Variants in ACOT11 observed in about 807,000 individuals in gnomAD.
ACOT11 encodes the protein acyl-CoA thioesterase 11.
A neutral mutation model predicts 77.5 loss-of-function variants in ACOT11; 69 were observed. That is an observed-to-expected ratio of 0.89 (90% confidence interval 0.73 to 1.09). The LOEUF (loss-of-function observed/expected upper bound fraction) is 1.09. Ranked by LOEUF, ACOT11 falls within the 50% of genes least tolerant of loss-of-function variation. The pLI is 0.00. For missense variants in ACOT11, 766 were observed against 813.7 expected, an observed-to-expected ratio of 0.94 and a Z score of 0.71; for synonymous variants, 279 against 313.0, an observed-to-expected ratio of 0.89 and a Z score of 1.15.
intron 1 of ACOT11, among the ~76,000 whole-genome samples, chr1:54,560,744 CAG>C (rs1426880187): frequency 1.3e-5 from 2 of 150,572 alleles, no homozygotes; most frequent in African/African-American, 4.9e-5. Context: ...TTTTTTGAGA[CAG>C]AGTTTTGCTC....
intron 16 of ACOT11, among the ~76,000 whole-genome samples, chr1:54,632,227 C>T (rs998782567): frequency 2.0e-5 from 3 of 152,312 alleles, no homozygotes; most frequent in Non-Finnish European, 2.9e-5. Flanking sequence ...GGGCCCGTCC[C>T]GGGCCCCGCT....
At chr1:54,613,026 C>T (rs560463147), downstream of ACOT11, among the ~76,000 whole-genome samples, 198 of 151,816 alleles carry the variant, frequency 1.3e-3, no homozygotes, top group African/African-American at 4.6e-3. Flanking sequence ...GAGCCCCCAG[C>T]GTGTGGGAAT....
chr1:54,624,623 G>T (rs1384560994), intron 15 of ACOT11, among the ~76,000 whole-genome samples: 2 of 152,164 alleles, frequency 1.3e-5, no homozygotes, highest in Non-Finnish European at 2.9e-5. Context: ...GAGGAAAGGG[G>T]ACAGCAGAGG....
chr1:54,582,193 C>T (rs1038168591), intron 1 of ACOT11, among the ~76,000 whole-genome samples: 2 of 152,178 alleles, frequency 1.3e-5, no homozygotes, highest in African/African-American at 4.8e-5. Flanking sequence ...GAGTTAGGCC[C>T]TGGACTCCTG....
At chr1:54,596,823 C>T (rs1654915239) in intron 6 of ACOT11, among the ~76,000 whole-genome samples, 2 of 152,218 alleles carry the variant, frequency 1.3e-5, no homozygotes, top group Non-Finnish European at 2.9e-5. Context: ...GATCTACCCT[C>T]CTTGGCCTCC....
At chr1:54,637,396 T>C (rs1644336855) in exon 17 of ACOT11, 1 of 152,254 alleles carries the variant, frequency 6.6e-6, no homozygotes, top group South Asian at 2.1e-4. Flanking sequence ...GGCACAAGAA[T>C]TGCTGGAACA....
At chr1:54,615,759 C>T (rs181412705) in intron 15 of ACOT11, among the ~76,000 whole-genome samples, 2 of 152,282 alleles carry the variant, frequency 1.3e-5, no homozygotes, top group Admixed American at 1.3e-4. Flanking sequence ...TCTGAGCATG[C>T]GCGGCACTTT....
At position 54,607,946 on chromosome 1, in the gene ACOT11, C is replaced by G; in HGVS notation, c.1507C>G (p.Pro503Ala). 6.2e-7 allele frequency: 1 copy of G among 1,613,938 alleles called. No homozygotes were observed. The highest frequency in any genetic ancestry group is 8.5e-7 in the Non-Finnish European group (1 of 1,179,950). Residue 503 changes from proline (P) to alanine (A), a missense_variant, in exon 15 of 16, where the codon CCC becomes GCC. By Grantham distance (27) the Pro-to-Ala change is conservative. Transcript: ENST00000343744. The surrounding 1 kb of genome is among the most constrained non-coding windows in gnomAD (Gnocchi z 4.5). The stretch of plus-strand genomic sequence containing the variant: ...TGCTACCCTTCCTTCACTCAGGGAC[C>G]CCTATGTCATCGCGCTGAGGTCGGT... Reference protein sequence around the residue: ...SRRKPCDNGDPYVIALRSVTL... With the variant: ...SRRKPCDNGDAYVIALRSVTL...
chr1:54,574,604 G>C (rs547479857), intron 1 of ACOT11, among the ~76,000 whole-genome samples: 1 of 152,154 alleles, frequency 6.6e-6, no homozygotes, highest in African/African-American at 2.4e-5. Flanking sequence ...ACCGGTCTGT[G>C]GGGGGTGCTC....
chr1:54,610,094 G>A lies in ACOT11; in HGVS notation c.*982G>A, dbSNP rs1644100073. On this transcript the variant is annotated 3_prime_UTR_variant, in exon 16 of 16. Transcript: ENST00000343744. ...CCCAGTTTTGGGCTCCAGGTGGATG[G>A]GTTGCTTTATAAATGTGCCTGGTGC... The A allele has an allele frequency of 7.0e-7, 1 of 1,434,424 alleles. No homozygotes were observed. Among genetic ancestry groups the A allele is most frequent in the Admixed American group, 2.8e-5 (1 of 35,116 alleles). The allele number at this position is 1,434,424 out of a possible 1,614,324, so 88.9% of individuals were successfully genotyped here.
At chr1:54,634,758 A>G (rs553431828) in exon 17 of ACOT11, 9 of 702,244 alleles carry the variant, frequency 1.3e-5, no homozygotes, top group South Asian at 1.2e-4. Context: ...ATGCCAAGGA[A>G]GAGACTCTGG....
At position 54,603,888 on chromosome 1, in the gene ACOT11, G is replaced by A. The variant is rs1466057213; in HGVS notation, c.1103G>A (p.Cys368Tyr). The A allele has an allele frequency of 5.6e-6, 9 of 1,614,014 alleles. No homozygotes were observed. Among genetic ancestry groups the A allele is most frequent in the Non-Finnish European group, 7.6e-6 (9 of 1,180,018 alleles). The part of the protein sequence containing the change: ...IRLDRKYIVS[C>Y]KQTEVPLSVP... ...CTTCCCAGGAAGTACATCGTGTCCT[G>A]TAAGCAGACAGAGGTGCCCCTCTCC... The change falls in exon 11 of 16, where the codon TGT (cysteine) becomes TAT (tyrosine). Residue 368 changes from cysteine to tyrosine, a missense_variant. Coordinates refer to ENST00000343744, the MANE Select transcript of ACOT11 (RefSeq NM_147161.4).
chr1:54,623,455 T>G, intron 15 of ACOT11: 1 of 1,306,924 alleles, frequency 7.7e-7, no homozygotes, highest in Non-Finnish European at 1.1e-6. Context: ...TGAGGCTCCC[T>G]GCAGCTGGAA....
chr1:54,568,981 C>T (rs1653838576), intron 1 of ACOT11, among the ~76,000 whole-genome samples: 1 of 152,050 alleles, frequency 6.6e-6, no homozygotes, highest in East Asian at 1.9e-4. Flanking sequence ...CATGGTGGCA[C>T]CCGTCTGTAG....
intron 10 of ACOT11, 151 bp downstream of exon 10, chr1:54,602,875 C>T (rs947443966): frequency 1.5e-5 from 13 of 865,380 alleles, no homozygotes; most frequent in African/African-American, 1.4e-4. Flanking sequence ...TATTACACAG[C>T]GGTCTTCTGG....
At chr1:54,629,235 CA>C (rs1478756146) in intron 15 of ACOT11, among the ~76,000 whole-genome samples, 5 of 133,742 alleles carry the variant, frequency 3.7e-5, no homozygotes, top group African/African-American at 1.3e-4. Flanking sequence ...ATCAGACCCA[CA>C]AAGTATTCAG....
chr1:54,554,290 AGTGTGTGTGTGTGTGTGTGTGTGTGT>A (rs67577349), intron 1 of ACOT11, among the ~76,000 whole-genome samples: 2 of 108,400 alleles, frequency 1.8e-5, no homozygotes, highest in South Asian at 3.2e-4. Flanking sequence ...AGTATTCCAT[AGTGTGTGTGTGTGTGTGTGTGTGTGT>A]GTGTGTGTGT....
In ACOT11 at chr1:54,602,698, T is replaced by C. The variant is rs1444889982; in HGVS notation, c.1059T>C (p.Ser353=). The C allele has an allele frequency of 6.4e-7, 1 of 1,554,910 alleles. No individual in the cohort carries two copies. Among genetic ancestry groups the C allele is most frequent in the Non-Finnish European group, 8.7e-7 (1 of 1,151,716 alleles). ...GDGERRYREA[S]ARKKIRLDRK... ...GTGAGCGGCGGTACCGAGAGGCCAGTGCCAGAAAGAAGATCCGCCTGGACA... is the reference window on the plus strand; with the variant it reads ...GTGAGCGGCGGTACCGAGAGGCCAGCGCCAGAAAGAAGATCCGCCTGGACA... Residue 353 remains serine, a synonymous_variant, in exon 10 of 16, where the codon AGT becomes AGC. Transcript: ENST00000343744.
At chr1:54,590,498 C>G (rs147870449) in intron 3 of ACOT11, among the ~76,000 whole-genome samples, 1 of 151,998 alleles carries the variant, frequency 6.6e-6, no homozygotes, top group African/African-American at 2.4e-5. Flanking sequence ...AGATGGGTGT[C>G]TGCTTGGCTT....
Sources: allele counts gnomAD v4.1 joint callset (sites outside exome capture counted in the v4.1 genomes callset), GRCh38; gene constraint gnomAD v4.1.1; non-coding constraint Gnocchi (gnomAD v3.1); transcripts MANE v1.5; gene names NCBI Gene and HGNC (gene_info 2026-07-23, HGNC 2026-07-21).